MARK1: variants seen among roughly 807,000 people sequenced by gnomAD.
MARK1 encodes the protein serine/threonine-protein kinase MARK1.
A neutral mutation model predicts 96.3 loss-of-function variants in MARK1; 40 were observed. That is an observed-to-expected ratio of 0.42 (90% CI 0.32 to 0.54). The LOEUF (loss-of-function observed/expected upper bound fraction) is 0.54, where lower values mean the gene tolerates loss of function less well. MARK1 is among the 20% of genes least tolerant of loss of function. The pLI, the probability that MARK1 is intolerant of heterozygous loss-of-function variation, is 0.16. For missense variants in MARK1, 719 were observed against 984.6 expected, an observed-to-expected ratio of 0.73 and a Z score of 3.61; for synonymous variants, 317 against 341.2, an observed-to-expected ratio of 0.93 and a Z score of 0.78.
chr1:220,594,666 C>T (rs1350812825), intron 3 of MARK1, among the ~76,000 whole-genome samples: 2 of 152,156 alleles, frequency 1.3e-5, no homozygotes, highest in African/African-American at 2.4e-5. Flanking sequence ...AATGGTACAT[C>T]CAGACAGCAG....
chr1:220,543,220 T>C (rs1473811348), intron 1 of MARK1, among the ~76,000 whole-genome samples: 1 of 152,198 alleles, frequency 6.6e-6, no homozygotes, highest in East Asian at 1.9e-4. Context: ...TCATTAGCCA[T>C]GACAGTCATT....
intron 6 of MARK1, among the ~76,000 whole-genome samples, chr1:220,609,468 T>C (rs1666297687): frequency 6.6e-6 from 1 of 152,210 alleles, no homozygotes; most frequent in South Asian, 2.1e-4. Context: ...GAGATGGGTC[T>C]CCTGAATACA....
chr1:220,640,553 AC>A (rs970344908), intron 13 of MARK1, among the ~76,000 whole-genome samples: 2 of 152,194 alleles, frequency 1.3e-5, no homozygotes, highest in African/African-American at 4.8e-5. Context: ...ACCATCACAG[AC>A]TAGAAATGAA....
chr1:220,535,892 A>C (rs1375589572), intron 1 of MARK1, among the ~76,000 whole-genome samples: 1 of 152,106 alleles, frequency 6.6e-6, no homozygotes, highest in Non-Finnish European at 1.5e-5. Flanking sequence ...AGCTATTACT[A>C]TACTATTTTG....
chr1:220,625,213 A>T (rs1181727769), intron 9 of MARK1, among the ~76,000 whole-genome samples: 5 of 152,260 alleles, frequency 3.3e-5, no homozygotes, highest in Non-Finnish European at 7.3e-5. Flanking sequence ...CTACACAACT[A>T]ACTGTAATCA....
chr1:220,587,777 A>G (rs919863207), intron 3 of MARK1, among the ~76,000 whole-genome samples: 20 of 152,118 alleles, frequency 1.3e-4, no homozygotes, highest in Admixed American at 1.3e-3. Flanking sequence ...TTTTCCTGTT[A>G]GTGGATTTTA....
chr1:220,553,583 G>A (rs1461181443), intron 1 of MARK1, among the ~76,000 whole-genome samples: 1 of 152,174 alleles, frequency 6.6e-6, no homozygotes, highest in Non-Finnish European at 1.5e-5. Context: ...TGCATTTATA[G>A]TGGAATGTTG....
intron 3 of MARK1, among the ~76,000 whole-genome samples, chr1:220,597,483 T>G (rs1665451393): frequency 6.6e-6 from 1 of 152,186 alleles, no homozygotes; most frequent in African/African-American, 2.4e-5. Context: ...TCCATAATGA[T>G]TAATAATGTT....
intron 3 of MARK1, among the ~76,000 whole-genome samples, chr1:220,597,043 G>T (rs1190116704): frequency 6.6e-6 from 1 of 152,104 alleles, no homozygotes; most frequent in Non-Finnish European, 1.5e-5. Context: ...TCTATCATGT[G>T]TCAGAATTTC....
chr1:220,632,393 A>T (rs1323172762), intron 11 of MARK1, 80 bp downstream of exon 11: 2 of 594,204 alleles, frequency 3.4e-6, no homozygotes, highest in African/African-American at 3.9e-5. Context: ...TGTGGAATCA[A>T]AAATAATATA....
chr1:220,565,562 G>C (rs1662990313), intron 1 of MARK1, among the ~76,000 whole-genome samples: 1 of 152,054 alleles, frequency 6.6e-6, no homozygotes, highest in African/African-American at 2.4e-5. Flanking sequence ...CCTATGAAGA[G>C]CGGGGGTCGG....
chr1:220,567,040 T>C (rs1663111178), intron 1 of MARK1, among the ~76,000 whole-genome samples: 1 of 152,190 alleles, frequency 6.6e-6, no homozygotes, highest in African/African-American at 2.4e-5. Flanking sequence ...CCTTAGTATC[T>C]TGAGTTTGTT....
intron 11 of MARK1, among the ~76,000 whole-genome samples, 155 bp from the exon 12 acceptor site, chr1:220,635,221 A>G (rs1266059596): frequency 2.0e-5 from 3 of 152,002 alleles, no homozygotes; most frequent in Admixed American, 6.6e-5. Context: ...CTGCTTGCCA[A>G]CTTAAAGTTC....
intron 1 of MARK1, among the ~76,000 whole-genome samples, chr1:220,562,461 A>C (rs1269378747): frequency 6.6e-6 from 1 of 152,134 alleles, no homozygotes; most frequent in Non-Finnish European, 1.5e-5. Context: ...CAGAGCGAGA[A>C]GTCTGTCTCA....
rs916266740 is a variant in MARK1 at position 220,568,465 on chromosome 1, G to A, written c.52-10889G>A. Among the ~76,000 whole-genome samples, 3 of 152,244 alleles carry A rather than the reference G, an allele frequency of 2.0e-5. No homozygotes were observed. The East Asian group carries it at 5.8e-4, about 29-fold the overall frequency. ...GCTGGAGCAAGGTGAGTGAGAAGGGGCATAGTAGTAAATGAGGGCAGAAAG... is the reference window on the plus strand; with the variant it reads ...GCTGGAGCAAGGTGAGTGAGAAGGGACATAGTAGTAAATGAGGGCAGAAAG... On this transcript the variant is annotated intron_variant, in intron 1 of 17. Coordinates refer to ENST00000366917, the MANE Select transcript of MARK1 (RefSeq NM_018650.5).
chr1:220,602,355 ACCATGT>A (rs1665800797), intron 5 of MARK1, among the ~76,000 whole-genome samples: 1 of 152,198 alleles, frequency 6.6e-6, no homozygotes, highest in African/African-American at 2.4e-5. Context: ...TAAAATGCTT[ACCATGT>A]GTCAGGTAAT....
intron 1 of MARK1, among the ~76,000 whole-genome samples, chr1:220,546,677 A>G (rs545478572): frequency 1.2e-4 from 18 of 152,354 alleles, no homozygotes; most frequent in African/African-American, 4.3e-4. Context: ...TTTAGAAATG[A>G]AAAGCAACTA....
At chr1:220,538,961 A>C (rs112141942) in intron 1 of MARK1, among the ~76,000 whole-genome samples, 81 of 151,642 alleles carry the variant, frequency 5.3e-4, no homozygotes, top group Middle Eastern at 6.8e-3. Flanking sequence ...GCTTAAGGAG[A>C]TTTTGGGCTG....
intron 1 of MARK1, among the ~76,000 whole-genome samples, chr1:220,559,897 C>CCCCCCTT (rs11273975): frequency 1.3e-5 from 2 of 152,158 alleles, no homozygotes; most frequent in African/African-American, 2.4e-5. Context: ...TACAGTAGAA[C>CCCCCCTT]ATACTTGGGG....
Sources: allele counts gnomAD v4.1 joint callset (sites outside exome capture counted in the v4.1 genomes callset), GRCh38; gene constraint gnomAD v4.1.1; transcripts MANE v1.5; gene names NCBI Gene and HGNC (gene_info 2026-07-23, HGNC 2026-07-21).